The following EYS variants were observed in gnomAD, a reference collection of about 807,000 sequenced individuals.
EYS encodes EGF-like photoreceptor maintenance factor, also known as protein eyes shut homolog.
In EYS, 250 loss-of-function variants were observed where a neutral mutation model predicts 282.1. The ratio of observed to expected loss-of-function variants is 0.89; its 90% CI spans 0.80 to 0.98. The LOEUF is 0.98. Ranked by LOEUF, EYS falls within the 50% of genes least tolerant of loss-of-function variation. The pLI, the probability that EYS is intolerant of heterozygous loss-of-function variation, is 0.00. For synonymous variants in EYS, 1,355 were observed against 1,282.9 expected (o/e 1.06, Z -1.20); for missense variants, 4,016 against 3,709.0 (o/e 1.08, Z -2.15).
chr6:65,598,711 G>T (rs1290275583), intron 2 of EYS, among the ~76,000 whole-genome samples: 1 of 152,038 alleles, frequency 6.6e-6, no homozygotes, highest in African/African-American at 2.4e-5. Flanking sequence ...CCAGTACATT[G>T]TCCATTGGAC....
At chr6:64,418,220 T>C (rs1051137870) in intron 28 of EYS, among the ~76,000 whole-genome samples, 1 of 152,108 alleles carries the variant, frequency 6.6e-6, no homozygotes, top group African/African-American at 2.4e-5. Context: ...CGTAACACCT[T>C]GTTTAAAAAA....
chr6:65,213,912 G>A (rs1012895652), intron 12 of EYS, among the ~76,000 whole-genome samples: 2 of 152,020 alleles, frequency 1.3e-5, no homozygotes, highest in African/African-American at 4.8e-5. Flanking sequence ...TGTAACCCCA[G>A]CACTTTGGGA....
intron 1 of EYS, among the ~76,000 whole-genome samples, chr6:65,674,948 A>G (rs1002869586): frequency 8.2e-5 from 4 of 48,948 alleles, no homozygotes; most frequent in African/African-American, 2.6e-4. Flanking sequence ...AGAAAGTATA[A>G]TTGTGACAGT....
chr6:63,820,820 A>G (rs1771302776), intron 36 of EYS, among the ~76,000 whole-genome samples: 1 of 152,160 alleles, frequency 6.6e-6, no homozygotes, highest in African/African-American at 2.4e-5. Flanking sequence ...TGCCAGTACC[A>G]CACTGATAAC....
intron 30 of EYS, among the ~76,000 whole-genome samples, chr6:64,300,320 C>T (rs535592745): frequency 6.6e-6 from 1 of 152,262 alleles, no homozygotes; most frequent in East Asian, 1.9e-4. Flanking sequence ...AGCACCTAGG[C>T]AAGTGCAACA....
intron 2 of EYS, among the ~76,000 whole-genome samples, chr6:65,545,228 T>A (rs1272704828): frequency 3.7e-5 from 3 of 81,050 alleles, no homozygotes; most frequent in East Asian, 4.5e-4. Flanking sequence ...TGGCCTAGAT[T>A]TTTTTTATTC....
intron 26 of EYS, among the ~76,000 whole-genome samples, chr6:64,524,650 T>A (rs913915558): frequency 2.6e-5 from 4 of 151,796 alleles, no homozygotes; most frequent in African/African-American, 9.7e-5. Context: ...TTGATTTTTG[T>A]GTATGGTAAG....
intron 12 of EYS, among the ~76,000 whole-genome samples, chr6:65,124,344 C>T (rs1775656867): frequency 6.6e-6 from 1 of 152,022 alleles, no homozygotes; most frequent in African/African-American, 2.4e-5. Flanking sequence ...AAATTTGTTG[C>T]ATTAAATGTC....
rs936797487 is a variant in EYS at position 64,917,412 on chromosome 6, G to T, written c.2382-4669C>A. Reference sequence around the variant, plus strand: ...TGTTTGAATATATTTTGTATATTAAGGCATATAGGCTTTTTTGGCTCTAAA... The same window carrying T: ...TGTTTGAATATATTTTGTATATTAATGCATATAGGCTTTTTTGGCTCTAAA... On this transcript the variant is annotated intron_variant, in intron 15 of 42. Coordinates refer to ENST00000503581, the MANE Select transcript of EYS (RefSeq NM_001142800.2). Among the ~76,000 whole-genome samples the T allele has an allele frequency of 9.2e-5, 14 of 152,038 alleles. No individual in the cohort carries two copies. In the South Asian group the frequency reaches 1.0e-3, roughly 11 times the overall value.
Position 65,443,414 on chromosome 6 carries a change from CCATATATGTA to C in EYS, c.863-38057_863-38048del, listed in dbSNP as rs539892601. On this transcript the variant is annotated intron_variant, in intron 5 of 42. Coordinates refer to ENST00000503581, the MANE Select transcript of EYS (RefSeq NM_001142800.2). Reference sequence around the variant, plus strand: ...TGCATACATGTATGTACACATATAGCCATATATGTACATATATGTACACATATAGCCATAT... The same window carrying C: ...TGCATACATGTATGTACACATATAGCCATATATGTACACATATAGCCATAT... Among the ~76,000 whole-genome samples, 9 of 120,962 alleles carry C rather than the reference CCATATATGTA, an allele frequency of 7.4e-5. 1 individual carries two copies. Among genetic ancestry groups the C allele is most frequent in the Admixed American group, 1.8e-4 (2 of 11,392 alleles). 79.4% of individuals were successfully genotyped at this position (120,962 alleles called of 152,430 possible).
At chr6:64,187,125 G>A (rs1054294896) in intron 31 of EYS, among the ~76,000 whole-genome samples, 3 of 152,100 alleles carry the variant, frequency 2.0e-5, no homozygotes, top group Non-Finnish European at 2.9e-5. Flanking sequence ...TTTTTGCCAC[G>A]CCTTGTTAGC....
chr6:65,512,058 A>T (rs1766895952), intron 2 of EYS, among the ~76,000 whole-genome samples: 1 of 151,272 alleles, frequency 6.6e-6, no homozygotes, highest in Non-Finnish European at 1.5e-5. Context: ...GAAATTGAGG[A>T]TTCAAAACCC....
intron 12 of EYS, among the ~76,000 whole-genome samples, chr6:65,259,154 A>G (rs886367232): frequency 1.3e-5 from 2 of 152,102 alleles, no homozygotes; most frequent in African/African-American, 2.4e-5. Flanking sequence ...ACATATACCT[A>G]TTGAAGTAAG....
At chr6:64,810,200 C>T (rs1343430685) in intron 22 of EYS, among the ~76,000 whole-genome samples, 1 of 151,912 alleles carries the variant, frequency 6.6e-6, no homozygotes, top group African/African-American at 2.4e-5. Context: ...TTTGAATAAA[C>T]ACTTAAAACT....
Position 64,419,037 on chromosome 6 carries a change from G to A in EYS, c.5927+17137C>T, listed in dbSNP as rs897851575. Among the ~76,000 whole-genome samples, 6 of 151,776 alleles carry A rather than the reference G, an allele frequency of 4.0e-5. No individual in the cohort carries two copies. The East Asian group carries it at 1.2e-3, about 29-fold the overall frequency. On this transcript the variant is annotated intron_variant, in intron 28 of 42. Transcript: ENST00000503581. ...ATGCAAGATCAAATAGAACAGCCCTGACTCTGACTACAATTTAAATATTCG... is the reference window on the plus strand; with the variant it reads ...ATGCAAGATCAAATAGAACAGCCCTAACTCTGACTACAATTTAAATATTCG...
At chr6:65,344,529 A>G (rs927061426) in intron 9 of EYS, among the ~76,000 whole-genome samples, 1 of 151,634 alleles carries the variant, frequency 6.6e-6, no homozygotes, top group Non-Finnish European at 1.5e-5. Flanking sequence ...AAAAGCAGAG[A>G]TTGCAAAAGA....
chr6:65,294,375 C>T (rs1768606592), intron 12 of EYS, among the ~76,000 whole-genome samples: 1 of 151,762 alleles, frequency 6.6e-6, no homozygotes, highest in South Asian at 2.1e-4. Flanking sequence ...AAAATACAGG[C>T]CTTGCTTATA....
intron 13 of EYS, among the ~76,000 whole-genome samples, chr6:65,025,108 G>A (rs1772366016): frequency 6.6e-6 from 1 of 152,088 alleles, no homozygotes; most frequent in Non-Finnish European, 1.5e-5. Context: ...ATATTTTAAA[G>A]ATTATTCAAT....
At chr6:65,687,931 G>T (rs576620526) in intron 1 of EYS, among the ~76,000 whole-genome samples, 3 of 152,160 alleles carry the variant, frequency 2.0e-5, no homozygotes, top group Non-Finnish European at 4.4e-5. Flanking sequence ...TGAAATAAAA[G>T]AGGATACAAA....
Sources: allele counts gnomAD v4.1 joint callset (sites outside exome capture counted in the v4.1 genomes callset), GRCh38; gene constraint gnomAD v4.1.1; transcripts MANE v1.5; gene names NCBI Gene and HGNC (gene_info 2026-07-23, HGNC 2026-07-21).